GABRA3: variants seen among roughly 807,000 people sequenced by gnomAD.
GABRA3 encodes the protein gamma-aminobutyric acid receptor subunit alpha-3.
A neutral mutation model predicts 30.1 loss-of-function variants in GABRA3; 10 were observed. The observed-to-expected ratio is 0.33, with a 90% CI of 0.20 to 0.56. GABRA3 has a LOEUF of 0.56. GABRA3 is among the 20% of genes least tolerant of loss of function. The pLI, the probability that GABRA3 is intolerant of heterozygous loss-of-function variation, is 0.89. For missense variants in GABRA3, 233 were observed against 392.0 expected, an observed-to-expected ratio of 0.59 and a Z score of 3.42; for synonymous variants, 151 against 146.8, an observed-to-expected ratio of 1.03 and a Z score of -0.21.
intron 2 of GABRA3, among the ~76,000 whole-genome samples, chrX:152,347,400 A>G (rs1292939107): frequency 1.8e-5 from 2 of 111,571 alleles, no homozygotes; most frequent in Non-Finnish European, 3.8e-5. Flanking sequence ...AAAATAATAA[A>G]AAGAATGAAA....
At chrX:152,438,843 T>C (rs1263872804) in intron 1 of GABRA3, among the ~76,000 whole-genome samples, 1 of 111,317 alleles carries the variant, frequency 9.0e-6, no homozygotes, top group Admixed American at 9.6e-5. Context: ...AACAGGTATA[T>C]AACAGGAGAT....
chrX:152,238,614 A>G (rs1201669129), intron 5 of GABRA3, among the ~76,000 whole-genome samples: 1 of 108,598 alleles, frequency 9.2e-6, no homozygotes, highest in East Asian at 2.9e-4. Flanking sequence ...CTGTGAATCC[A>G]TCTGGTCCTG....
chrX:152,275,877 A>G (rs1288950653), intron 4 of GABRA3, among the ~76,000 whole-genome samples: 1 of 110,115 alleles, frequency 9.1e-6, no homozygotes, highest in Admixed American at 9.9e-5. Context: ...GGGAATACTT[A>G]TGAACACACA....
chrX:152,314,135 C>T (rs1255385949), intron 3 of GABRA3, among the ~76,000 whole-genome samples: 1 of 111,645 alleles, frequency 9.0e-6, no homozygotes, highest in Non-Finnish European at 1.9e-5. Context: ...CATGACACGT[C>T]GACCCACCAA....
Position 152,227,939 on chromosome X carries a change from AGTTATCTTTG to A in GABRA3, c.552-3104_552-3095del, listed in dbSNP as rs766130211. ...CTTTAAGTCATATGAGAGATGCTCTAGTTATCTTTGGTTATCTTTGAGCAAGTATGTTCTA... is the reference window on the plus strand; with the variant it reads ...CTTTAAGTCATATGAGAGATGCTCTAGTTATCTTTGAGCAAGTATGTTCTA... On this transcript the variant is annotated intron_variant, in intron 5 of 9. Coordinates refer to ENST00000370314, the MANE Select transcript of GABRA3 (RefSeq NM_000808.4). 1.3e-3 allele frequency among the ~76,000 whole-genome samples: 142 copies of A among 111,284 alleles called. 1 individual carries two copies. Among genetic ancestry groups the A allele is most frequent in the Middle Eastern group, 4.6e-3 (1 of 219 alleles).
In GABRA3 at chrX:152,239,970, A is replaced by T. The variant is rs1238904722; in HGVS notation, c.552-15125T>A. Reference sequence around the variant, plus strand: ...TCCAATTTGCCAGTCTGTGTCTTTTAATTGGAGAATTTAGTCCATTTACAT... The same window carrying T: ...TCCAATTTGCCAGTCTGTGTCTTTTTATTGGAGAATTTAGTCCATTTACAT... On this transcript the variant is annotated intron_variant, in intron 5 of 9. Transcript: ENST00000370314. Among the ~76,000 whole-genome samples, 352 of 98,137 alleles carry T rather than the reference A, an allele frequency of 3.6e-3. 7 individuals carry two copies. The highest frequency in any genetic ancestry group is 0.014 in the African/African-American group (337 of 23,721). The allele number at this position is 98,137 out of a possible 115,157, so 85.2% of individuals were successfully genotyped here. A position where few individuals can be genotyped will look rare whatever the true frequency, so the allele number is the denominator to read the frequency against.
At chrX:152,231,016 G>A (rs1938057892) in intron 5 of GABRA3, among the ~76,000 whole-genome samples, 1 of 109,147 alleles carries the variant, frequency 9.2e-6, no homozygotes, top group East Asian at 2.9e-4. Flanking sequence ...GAAAAGACAA[G>A]GCACAAAGAA....
chrX:152,364,208 G>A (rs1243297118), intron 2 of GABRA3, among the ~76,000 whole-genome samples: 3 of 111,326 alleles, frequency 2.7e-5, no homozygotes, highest in African/African-American at 9.8e-5. Flanking sequence ...ATATTACAGA[G>A]GTGATTCAAG....
chrX:152,259,896 C>T (rs925615625), intron 4 of GABRA3, among the ~76,000 whole-genome samples: 19 of 109,458 alleles, frequency 1.7e-4, no homozygotes, highest in African/African-American at 2.3e-4. Flanking sequence ...ATCTTCGGTA[C>T]GAGCTTGGCT....
intron 3 of GABRA3, among the ~76,000 whole-genome samples, chrX:152,287,294 G>C (rs1439832874): frequency 9.0e-6 from 1 of 111,251 alleles, no homozygotes; most frequent in African/African-American, 3.3e-5. Flanking sequence ...AATATGATTT[G>C]GCTCTGTGTC....
intron 3 of GABRA3, among the ~76,000 whole-genome samples, chrX:152,298,858 C>A (rs945421668): frequency 8.9e-6 from 1 of 111,989 alleles, no homozygotes; most frequent in African/African-American, 3.2e-5. Context: ...AAAAGTGTTC[C>A]TATTTCTCCA....
chrX:152,397,963 A>G (rs1929704168), intron 1 of GABRA3, among the ~76,000 whole-genome samples: 1 of 111,780 alleles, frequency 8.9e-6, no homozygotes, highest in South Asian at 3.8e-4. Flanking sequence ...ATCACAATTG[A>G]CACCCTCTAA....
At chrX:152,230,621 T>C (rs1468150312) in intron 5 of GABRA3, among the ~76,000 whole-genome samples, 1 of 110,903 alleles carries the variant, frequency 9.0e-6, no homozygotes, top group Non-Finnish European at 1.9e-5. Context: ...TAATATAGAC[T>C]AATGGAAAAA....
At chrX:152,242,658 A>T (rs1223954586) in intron 5 of GABRA3, among the ~76,000 whole-genome samples, 1 of 112,257 alleles carries the variant, frequency 8.9e-6, no homozygotes, top group Non-Finnish European at 1.9e-5. Flanking sequence ...TTCATAAATA[A>T]TCAGAGAAAT....
Position 152,285,930 on chromosome X carries a change from ATATAGTACTTAGTACTAAGTATT to A in GABRA3, c.263-1218_263-1196del, listed in dbSNP as rs1302165837. 6.4e-4 allele frequency among the ~76,000 whole-genome samples: 69 copies of A among 107,416 alleles called. 1 individual carries two copies. Among genetic ancestry groups the A allele is most frequent in the African/African-American group, 1.7e-3 (51 of 29,533 alleles). 93.3% of individuals were successfully genotyped at this position (107,416 alleles called of 115,157 possible). A position where few individuals can be genotyped will look rare whatever the true frequency, so the allele number is the denominator to read the frequency against. On this transcript the variant is annotated intron_variant, in intron 3 of 9. Coordinates refer to ENST00000370314, the MANE Select transcript of GABRA3 (RefSeq NM_000808.4). ...AAGTACTATATAGTACTTATATACTATATAGTACTTAGTACTAAGTATTTATAGTACTTAGTACTATAAATTTC... is the reference window on the plus strand; with the variant it reads ...AAGTACTATATAGTACTTATATACTATATAGTACTTAGTACTATAAATTTC...
chrX:152,245,649 T>C (rs773654160), intron 5 of GABRA3, among the ~76,000 whole-genome samples: 1 of 112,066 alleles, frequency 8.9e-6, no homozygotes, highest in Admixed American at 9.5e-5. Context: ...AAAACTCTCA[T>C]GTATCTGTGT....
intron 1 of GABRA3, among the ~76,000 whole-genome samples, chrX:152,382,324 G>A (rs1929166734): frequency 8.9e-6 from 1 of 112,243 alleles, no homozygotes; most frequent in Admixed American, 9.4e-5. Context: ...CTTTTACACG[G>A]TTTGTGGGAG....
At chrX:152,238,804 A>T (rs1938289124) in intron 5 of GABRA3, among the ~76,000 whole-genome samples, 1 of 107,914 alleles carries the variant, frequency 9.3e-6, no homozygotes, top group Admixed American at 9.8e-5. Flanking sequence ...GTATTCTCTG[A>T]TGGTAGTTTG....
At chrX:152,359,819 A>G (rs1275055287) in intron 2 of GABRA3, among the ~76,000 whole-genome samples, 1 of 112,228 alleles carries the variant, frequency 8.9e-6, no homozygotes, top group East Asian at 2.8e-4. Flanking sequence ...CCCAAAAGAC[A>G]TGCAGAAGAA....
Sources: allele counts gnomAD v4.1 joint callset (sites outside exome capture counted in the v4.1 genomes callset), GRCh38; gene constraint gnomAD v4.1.1; transcripts MANE v1.5; gene names NCBI Gene and HGNC (gene_info 2026-07-23, HGNC 2026-07-21).